Variants in CRACD observed in about 807,000 individuals in gnomAD.
CRACD encodes the protein capping protein-inhibiting regulator of actin dynamics.
CRACD carries 56 observed loss-of-function variants against 106.8 expected under a neutral mutation model. The ratio of observed to expected loss-of-function variants is 0.52; its 90% CI spans 0.42 to 0.66. CRACD has a LOEUF of 0.66. CRACD is among the 30% of genes least tolerant of loss of function. The probability of loss-of-function intolerance (pLI) is 0.00; values close to 1 mark genes in which losing one functional copy is unlikely to be tolerated. For missense variants in CRACD, 1,730 were observed against 1,623.2 expected, an observed-to-expected ratio of 1.07 and a Z score of -1.13; for synonymous variants, 754 against 670.8, an observed-to-expected ratio of 1.12 and a Z score of -1.92.
intron 1 of CRACD, among the ~76,000 whole-genome samples, chr4:56,130,823 C>T (rs1415112432): frequency 6.6e-6 from 1 of 152,060 alleles, no homozygotes; most frequent in African/African-American, 2.4e-5. Flanking sequence ...GCACTGTCTC[C>T]TTCTCTCTCC....
intron 1 of CRACD, among the ~76,000 whole-genome samples, chr4:56,071,203 A>G (rs1472324123): frequency 6.6e-6 from 1 of 152,192 alleles, no homozygotes; most frequent in Admixed American, 6.5e-5. Flanking sequence ...TTGCCCTAGG[A>G]TAAACTTAAG....
intron 1 of CRACD, among the ~76,000 whole-genome samples, chr4:56,071,442 C>A (rs1732643220): frequency 6.6e-6 from 1 of 151,712 alleles, no homozygotes. Flanking sequence ...TGTGGTGTAT[C>A]CTCTGCCTTA....
At chr4:56,203,777 G>T (rs1737995629) in intron 2 of CRACD, among the ~76,000 whole-genome samples, 1 of 152,182 alleles carries the variant, frequency 6.6e-6, no homozygotes. Flanking sequence ...CATGAAGCTG[G>T]CTCTGCCCAC....
chr4:56,083,520 A>G (rs1314482304), intron 1 of CRACD, among the ~76,000 whole-genome samples: 2 of 151,880 alleles, frequency 1.3e-5, no homozygotes, highest in African/African-American at 4.8e-5. Flanking sequence ...ACCCTACCCT[A>G]CCCTACCCTA....
intron 1 of CRACD, among the ~76,000 whole-genome samples, chr4:56,146,890 T>C (rs1165151807): frequency 1.3e-5 from 2 of 152,164 alleles, no homozygotes; most frequent in African/African-American, 4.8e-5. Context: ...ATTGGTCAAA[T>C]GCTAGCAGAT....
At chr4:56,299,358 AGCTG>A (rs1744232397) in intron 4 of CRACD, among the ~76,000 whole-genome samples, 1 of 152,118 alleles carries the variant, frequency 6.6e-6, no homozygotes, top group Non-Finnish European at 1.5e-5. Flanking sequence ...AGGTCTGCCT[AGCTG>A]CTTGGCAGAT....
chr4:56,196,669 G>C (rs1355788211), intron 2 of CRACD, among the ~76,000 whole-genome samples: 1 of 152,064 alleles, frequency 6.6e-6, no homozygotes, highest in East Asian at 1.9e-4. Flanking sequence ...AACATCTAGT[G>C]ACTCTGTCTT....
At chr4:56,113,847 C>A (rs781382852) in intron 1 of CRACD, among the ~76,000 whole-genome samples, 19 of 152,128 alleles carry the variant, frequency 1.2e-4, no homozygotes, top group African/African-American at 4.6e-4. Context: ...TTTCCTTGGA[C>A]TGATCACTAG....
intron 2 of CRACD, among the ~76,000 whole-genome samples, chr4:56,241,075 G>A (rs1461562929): frequency 2.0e-5 from 3 of 152,142 alleles, no homozygotes; most frequent in African/African-American, 7.2e-5. Flanking sequence ...TACAGTAATT[G>A]CCATTTTCTT....
At chr4:56,306,445 C>A (rs992158455) in intron 4 of CRACD, among the ~76,000 whole-genome samples, 8 of 152,130 alleles carry the variant, frequency 5.3e-5, no homozygotes, top group African/African-American at 1.9e-4. Flanking sequence ...CCTGGGAATT[C>A]AAGGTTGCAA....
rs1340186906 is a variant in CRACD, at chr4:56,328,601, G to A, written c.*797G>A. ...CTGTCTCTGAGAATCTCCATCTAGG[G>A]CAGTAGTTCTTATGATGTGTAGGCT... On this transcript the variant is annotated 3_prime_UTR_variant, in exon 11 of 11. Coordinates refer to ENST00000682029, the MANE Select transcript of CRACD (RefSeq NM_001393381.1). 2 of 334,368 alleles carry A rather than the reference G, an allele frequency of 6.0e-6. No individual in the cohort carries two copies. Among genetic ancestry groups the A allele is most frequent in the Non-Finnish European group, 5.9e-6 (1 of 170,424 alleles). The allele number at this position is 334,368 out of a possible 1,614,324, so 20.7% of individuals were successfully genotyped here.
At chr4:56,290,870 T>C (rs564848101) in intron 3 of CRACD, among the ~76,000 whole-genome samples, 49 of 152,344 alleles carry the variant, frequency 3.2e-4, no homozygotes, top group Non-Finnish European at 6.2e-4. Context: ...TCTAGGCTTA[T>C]GAAAACTGTG....
At chr4:56,152,911 CCTGT>C (rs772800510) in intron 1 of CRACD, among the ~76,000 whole-genome samples, 6 of 152,152 alleles carry the variant, frequency 3.9e-5, no homozygotes, top group Non-Finnish European at 8.8e-5. Context: ...GAATTCCTTC[CCTGT>C]CTTTTCTGTT....
At chr4:56,069,989 C>T (rs1213606444) in intron 1 of CRACD, among the ~76,000 whole-genome samples, 1 of 152,168 alleles carries the variant, frequency 6.6e-6, no homozygotes, top group Non-Finnish European at 1.5e-5. Context: ...ATAGCTATTT[C>T]CTAATCCTAA....
chr4:56,316,777 A>G, intron 8 of CRACD, 88 bp downstream of exon 8: 1 of 1,419,580 alleles, frequency 7.0e-7, no homozygotes, highest in East Asian at 2.3e-5. Context: ...GTTCATGAGA[A>G]TAATTTACCA....
intron 2 of CRACD, among the ~76,000 whole-genome samples, chr4:56,255,899 A>G (rs1472201815): frequency 1.3e-5 from 2 of 152,210 alleles, no homozygotes. Flanking sequence ...GCCCAGGACA[A>G]GAGAATGTTC....
At chr4:56,103,429 T>C (rs4865052) in intron 1 of CRACD, among the ~76,000 whole-genome samples, 20,757 of 152,236 alleles carry the variant, frequency 0.14, 1,499 homozygotes, top group East Asian at 0.19. Context: ...TAGGTTGTTA[T>C]TAACTTAGAG....
chr4:56,279,735 G>T (rs1383924379), intron 3 of CRACD, among the ~76,000 whole-genome samples: 1 of 152,172 alleles, frequency 6.6e-6, no homozygotes, highest in Non-Finnish European at 1.5e-5. Flanking sequence ...AGTCAGTGTG[G>T]CGATTCCTCA....
intron 2 of CRACD, among the ~76,000 whole-genome samples, chr4:56,237,706 T>C (rs981411400): frequency 6.8e-6 from 1 of 146,812 alleles, no homozygotes; most frequent in African/African-American, 2.5e-5. Flanking sequence ...AATTTCTAGG[T>C]TAAAAGATAT....
Sources: gnomAD v4.1 joint callset for allele counts (sites outside exome capture counted in the v4.1 genomes callset) on GRCh38, gnomAD v4.1.1 for gene constraint, MANE v1.5 for transcripts, NCBI Gene and HGNC (gene_info 2026-07-23, HGNC 2026-07-21) for gene names.